Variants in ANKFN1 observed in about 807,000 individuals in gnomAD.
ANKFN1 encodes the protein ankyrin repeat and fibronectin type III domain containing 1.
Under a neutral mutation model 108.7 loss-of-function variants are expected in ANKFN1, and 74 were observed. That is an observed-to-expected ratio of 0.68 (90% CI 0.56 to 0.83). ANKFN1 has a LOEUF of 0.83. ANKFN1 is among the 40% of genes least tolerant of loss of function. ANKFN1 has a pLI of 0.00. For synonymous variants in ANKFN1, 547 were observed against 516.2 expected, an observed-to-expected ratio of 1.06 and a Z score of -0.81; for missense variants, 1,505 against 1,382.3, an observed-to-expected ratio of 1.09 and a Z score of -1.41.
intron 18 of ANKFN1, among the ~76,000 whole-genome samples, chr17:56,483,174 A>G (rs2050765167): frequency 6.6e-6 from 1 of 152,212 alleles, no homozygotes; most frequent in African/African-American, 2.4e-5. Flanking sequence ...TTCAAAAATG[A>G]ATAGCCTGGG....
At chr17:56,420,283 A>G (rs1336241948) in intron 8 of ANKFN1, among the ~76,000 whole-genome samples, 1 of 152,150 alleles carries the variant, frequency 6.6e-6, no homozygotes, top group East Asian at 1.9e-4. Flanking sequence ...GTAAAATTAC[A>G]CCTCTATTAT....
rs1025266782 is a variant in ANKFN1, at chr17:56,516,609, C to T, written c.*5340C>T. On this transcript the variant is annotated 3_prime_UTR_variant, in exon 21 of 21. Coordinates refer to ENST00000682825, the MANE Select transcript of ANKFN1 (RefSeq NM_001370326.1). ...TATGTACATTTGAAAACTATTTGAA[C>T]AATCTAAATGTGTACTGTAAATGTC... is the stretch of plus-strand genomic sequence containing the variant. Among the ~76,000 whole-genome samples, 2 of 152,138 alleles carry T rather than the reference C, an allele frequency of 1.3e-5. No individual in the cohort carries two copies. The highest frequency in any genetic ancestry group is 6.5e-5 in the Admixed American group (1 of 15,272).
At chr17:56,408,444 G>C (rs1268734532) in intron 8 of ANKFN1, among the ~76,000 whole-genome samples, 1 of 152,006 alleles carries the variant, frequency 6.6e-6, no homozygotes, top group East Asian at 1.9e-4. Context: ...ACTAGCAGTG[G>C]ATTAGGATAT....
intron 4 of ANKFN1, among the ~76,000 whole-genome samples, chr17:56,339,748 A>C (rs2045913220): frequency 6.6e-6 from 1 of 152,150 alleles, no homozygotes; most frequent in South Asian, 2.1e-4. Flanking sequence ...GCTACTGTGA[A>C]TAGTCCTGCA....
chr17:56,205,791 G>A (rs950778184), intron 1 of ANKFN1, among the ~76,000 whole-genome samples: 2 of 151,986 alleles, frequency 1.3e-5, no homozygotes, highest in African/African-American at 4.8e-5. Context: ...GCAATATTAG[G>A]CCGCTTTGCT....
intron 3 of ANKFN1, among the ~76,000 whole-genome samples, chr17:56,235,984 G>A (rs1479795458): frequency 6.6e-6 from 1 of 152,042 alleles, no homozygotes; most frequent in Non-Finnish European, 1.5e-5. Context: ...TCCTATCCAT[G>A]ATCCATGAGC....
chr17:56,092,889 G>C (rs147781340), intron 4 of ANKFN1, among the ~76,000 whole-genome samples: 1,900 of 151,116 alleles, frequency 0.013, 94 homozygotes, highest in African/African-American at 0.044. Context: ...GGGACCTCCA[G>C]ACTCAATGCC....
intron 4 of ANKFN1, among the ~76,000 whole-genome samples, chr17:56,125,234 C>T (rs1655666020): frequency 6.6e-6 from 1 of 152,186 alleles, no homozygotes; most frequent in Non-Finnish European, 1.5e-5. Flanking sequence ...TCTTTGGTTC[C>T]TCAAAGGGAG....
intron 1 of ANKFN1, among the ~76,000 whole-genome samples, chr17:56,181,964 T>C (rs542115497): frequency 3.9e-5 from 6 of 152,156 alleles, no homozygotes; most frequent in Non-Finnish European, 5.9e-5. Context: ...GTTGTGGTGA[T>C]TTATGATCAG....
chr17:56,089,981 G>A (rs768355750), intron 4 of ANKFN1, among the ~76,000 whole-genome samples: 3 of 151,484 alleles, frequency 2.0e-5, no homozygotes, highest in African/African-American at 7.3e-5. Flanking sequence ...AGATAGAAAA[G>A]AAAGCATCCA....
At chr17:56,226,619 T>C (rs1916295202) in intron 2 of ANKFN1, among the ~76,000 whole-genome samples, 1 of 152,170 alleles carries the variant, frequency 6.6e-6, no homozygotes, top group African/African-American at 2.4e-5. Context: ...AAAACCTCCA[T>C]AGCTACCTTC....
chr17:56,263,443 A>G (rs1287869221), intron 3 of ANKFN1, among the ~76,000 whole-genome samples: 1 of 152,220 alleles, frequency 6.6e-6, no homozygotes, highest in African/African-American at 2.4e-5. Flanking sequence ...ATAATCTTGT[A>G]AATATTTGCA....
chr17:56,421,230 G>A (rs77434948), intron 8 of ANKFN1, among the ~76,000 whole-genome samples: 14,433 of 152,240 alleles, frequency 0.095, 847 homozygotes, highest in African/African-American at 0.17. Context: ...AGGCTGGAAG[G>A]TAATTCTGGA....
At chr17:56,356,646 G>A (rs9895846) in intron 6 of ANKFN1, among the ~76,000 whole-genome samples, 4 of 152,166 alleles carry the variant, frequency 2.6e-5, no homozygotes, top group African/African-American at 7.2e-5. Flanking sequence ...CTTTTTAGTG[G>A]AACTGGAGGA....
chr17:56,105,910 A>G (rs1905743538), intron 4 of ANKFN1, among the ~76,000 whole-genome samples: 1 of 151,926 alleles, frequency 6.6e-6, no homozygotes, highest in South Asian at 2.1e-4. Flanking sequence ...TGGGGAGAGG[A>G]GGTAAAGGCA....
chr17:56,162,311 C>T (rs529955864), intron 1 of ANKFN1, among the ~76,000 whole-genome samples: 3 of 152,280 alleles, frequency 2.0e-5, no homozygotes, highest in South Asian at 4.2e-4. Flanking sequence ...CTTCAGCAAC[C>T]GAAATTTATT....
chr17:56,184,089 G>T (rs150290515), intron 1 of ANKFN1, among the ~76,000 whole-genome samples: 2 of 152,330 alleles, frequency 1.3e-5, no homozygotes, highest in African/African-American at 4.8e-5. Flanking sequence ...ACTTGAGAAA[G>T]CAGTGGCAGA....
At chr17:56,477,460 C>G (rs577352759) in intron 15 of ANKFN1, 28 bp from the exon 16 acceptor site, 11 of 1,347,586 alleles carry the variant, frequency 8.2e-6, no homozygotes, top group East Asian at 2.8e-5. Context: ...TTCTTGTTTT[C>G]TTTTTTTTTT....
chr17:56,133,921 A>T (rs558871038), intron 4 of ANKFN1, among the ~76,000 whole-genome samples: 1 of 152,254 alleles, frequency 6.6e-6, no homozygotes, highest in African/African-American at 2.4e-5. Flanking sequence ...CAATTCTGAC[A>T]TTACATACCT....
Sources: gnomAD v4.1 joint callset for allele counts (sites outside exome capture counted in the v4.1 genomes callset) on GRCh38, gnomAD v4.1.1 for gene constraint, MANE v1.5 for transcripts, NCBI Gene and HGNC (gene_info 2026-07-23, HGNC 2026-07-21) for gene names.